TMEM17: variants seen among roughly 807,000 people sequenced by gnomAD.
TMEM17 encodes the protein transmembrane protein 17.
A neutral mutation model predicts 19.1 loss-of-function variants in TMEM17; 15 were observed. The observed-to-expected ratio is 0.78, with a 90% CI of 0.52 to 1.21. The LOEUF is 1.21. Ranked by LOEUF, TMEM17 falls within the 50% of genes most tolerant of loss-of-function variation. TMEM17 has a pLI of 0.00. For synonymous variants in TMEM17, 103 were observed against 86.9 expected (o/e 1.19, Z -1.03); for missense variants, 245 against 242.3 (o/e 1.01, Z -0.07).
chr2:62,472,061 G>T, the TMEM17 span, among the ~76,000 whole-genome samples: 2 of 152,342 alleles, frequency 1.3e-5, no homozygotes, highest in South Asian at 2.1e-4. Context: ...TTTCAGCCTC[G>T]GCAGCAGGTT....
intron 2 of TMEM17, 47 bp downstream of exon 2, chr2:62,502,644 C>T (rs1486009502): frequency 6.7e-7 from 1 of 1,486,360 alleles, no homozygotes; most frequent in Non-Finnish European, 9.2e-7. Flanking sequence ...ATTTTATTGA[C>T]ACTCTAACAA....
the TMEM17 span, among the ~76,000 whole-genome samples, chr2:62,467,530 TG>T: frequency 2.6e-5 from 4 of 152,124 alleles, no homozygotes; most frequent in Admixed American, 2.0e-4. Flanking sequence ...AGAGATAGAG[TG>T]GGCTCTGCCT....
At chr2:62,502,207 C>T in intron 3 of TMEM17, 1 of 305,074 alleles carries the variant, frequency 3.3e-6, no homozygotes, top group Non-Finnish European at 6.1e-6. Context: ...AATCATTTCA[C>T]TTAATCACAA....
downstream of TMEM17, among the ~76,000 whole-genome samples, chr2:62,495,445 G>C (rs902891896): frequency 1.3e-5 from 2 of 152,170 alleles, no homozygotes; most frequent in African/African-American, 2.4e-5. Context: ...TTTTTAGGAT[G>C]ATTCTTAGAA....
At chr2:62,465,104 T>C in the TMEM17 span, among the ~76,000 whole-genome samples, 1 of 152,168 alleles carries the variant, frequency 6.6e-6, no homozygotes, top group Non-Finnish European at 1.5e-5. Context: ...GGGATTTGTT[T>C]TGGGAAAGGG....
the TMEM17 span, among the ~76,000 whole-genome samples, chr2:62,456,858 C>A: frequency 6.6e-6 from 1 of 152,254 alleles, no homozygotes. Context: ...CACGTGTGAG[C>A]CTGGAGGTGC....
chr2:62,501,993 C>G (rs557907011), intron 3 of TMEM17: 4 of 166,020 alleles, frequency 2.4e-5, no homozygotes, highest in Non-Finnish European at 5.2e-5. Flanking sequence ...GGCATTATCC[C>G]TATACTCTGG....
At chr2:62,456,345 C>T in the TMEM17 span, among the ~76,000 whole-genome samples, 1 of 152,226 alleles carries the variant, frequency 6.6e-6, no homozygotes, top group Non-Finnish European at 1.5e-5. Flanking sequence ...TGTTTGCATT[C>T]TTTGGCTCTT....
chr2:62,506,152 C>A lies in TMEM17; in HGVS notation c.-23G>T. 1 of 1,585,112 alleles carries A rather than the reference C, an allele frequency of 6.3e-7. No homozygotes were observed. Among genetic ancestry groups the A allele is most frequent in the Non-Finnish European group, 8.6e-7 (1 of 1,165,766 alleles). Reference sequence around the variant, plus strand: ...CATGCCTGGGCCTCAGTATCCCTCACCCCCTCAGACACGGGCTAGTCTGCG... The same window carrying A: ...CATGCCTGGGCCTCAGTATCCCTCAACCCCTCAGACACGGGCTAGTCTGCG... On this transcript the variant is annotated 5_prime_UTR_variant, in exon 1 of 4. Coordinates refer to ENST00000335390, the MANE Select transcript of TMEM17 (RefSeq NM_198276.3).
chr2:62,461,003 C>A, the TMEM17 span, among the ~76,000 whole-genome samples: 1 of 152,082 alleles, frequency 6.6e-6, no homozygotes, highest in Non-Finnish European at 1.5e-5. Flanking sequence ...GGAAGGAACC[C>A]TTGAAAGATG....
the TMEM17 span, among the ~76,000 whole-genome samples, chr2:62,464,599 G>T: frequency 6.6e-6 from 1 of 152,218 alleles, no homozygotes; most frequent in Admixed American, 6.5e-5. Flanking sequence ...CACCTTGCCT[G>T]CTGCCTAGAC....
At chr2:62,506,001 A>G in intron 1 of TMEM17, 29 bp downstream of exon 1, 1 of 1,576,636 alleles carries the variant, frequency 6.3e-7, no homozygotes, top group Non-Finnish European at 8.6e-7. Flanking sequence ...GGCAGGCCAC[A>G]CCCCCTGCAC....
the TMEM17 span, among the ~76,000 whole-genome samples, chr2:62,481,789 C>T: frequency 5.3e-5 from 8 of 149,882 alleles, no homozygotes; most frequent in South Asian, 4.2e-4. Flanking sequence ...AAAGAGTCTG[C>T]GAGGCTATCG....
At chr2:62,471,594 T>A in the TMEM17 span, among the ~76,000 whole-genome samples, 2 of 152,352 alleles carry the variant, frequency 1.3e-5, no homozygotes, top group East Asian at 3.9e-4. Flanking sequence ...TGTGTCTCAA[T>A]CCCTAGTCCA....
At chr2:62,460,259 G>A in the TMEM17 span, among the ~76,000 whole-genome samples, 1 of 152,206 alleles carries the variant, frequency 6.6e-6, no homozygotes, top group Non-Finnish European at 1.5e-5. Flanking sequence ...TACAGATGAT[G>A]GAATTGAGGC....
the TMEM17 span, among the ~76,000 whole-genome samples, chr2:62,477,187 G>A: frequency 3.9e-5 from 6 of 152,126 alleles, no homozygotes; most frequent in East Asian, 3.9e-4. Context: ...ACCTGAGGTC[G>A]GGAGTTTGAG....
At chr2:62,494,131 T>C in the TMEM17 span, among the ~76,000 whole-genome samples, 4 of 152,230 alleles carry the variant, frequency 2.6e-5, no homozygotes, top group Admixed American at 1.3e-4. Context: ...CTTAATCTTA[T>C]TTATCTTTTT....
At chr2:62,461,047 C>G in the TMEM17 span, among the ~76,000 whole-genome samples, 3 of 152,304 alleles carry the variant, frequency 2.0e-5, no homozygotes, top group South Asian at 6.2e-4. Flanking sequence ...GTGAGACAGA[C>G]TGGGACCCAG....
chr2:62,473,230 C>G, the TMEM17 span, among the ~76,000 whole-genome samples: 1 of 152,168 alleles, frequency 6.6e-6, no homozygotes, highest in South Asian at 2.1e-4. Flanking sequence ...GAAGTAGGTA[C>G]TATTATTAAC....
Sources: allele counts gnomAD v4.1 joint callset (sites outside exome capture counted in the v4.1 genomes callset), GRCh38; gene constraint gnomAD v4.1.1; transcripts MANE v1.5; gene names NCBI Gene and HGNC (gene_info 2026-07-23, HGNC 2026-07-21).